FOXN3: variants seen among roughly 807,000 people sequenced by gnomAD.
FOXN3 encodes forkhead box N3.
FOXN3 carries 7 observed loss-of-function variants against 38.4 expected under a neutral mutation model. The observed-to-expected ratio is 0.18, with a 90% CI of 0.10 to 0.34. The LOEUF (loss-of-function observed/expected upper bound fraction) is 0.34. Among genes scored for constraint, FOXN3 ranks in the 10% least tolerant of loss-of-function variants. FOXN3 has a pLI of 1.00. For missense variants in FOXN3, 456 were observed against 613.4 expected (o/e 0.74, Z 2.71); for synonymous variants, 230 against 242.2 (o/e 0.95, Z 0.47).
intron 1 of FOXN3, among the ~76,000 whole-genome samples, chr14:89,510,996 T>G (rs1894045077): frequency 6.6e-6 from 1 of 151,918 alleles, no homozygotes; most frequent in Non-Finnish European, 1.5e-5. Flanking sequence ...TCCCAAAGGC[T>G]TCTTCTCCTG....
chr14:89,417,706 G>A, upstream of FOXN3: 2 of 455,980 alleles, frequency 4.4e-6, no homozygotes, highest in Non-Finnish European at 8.8e-6. Flanking sequence ...GGGGTGAGAA[G>A]AGGAGATTCC....
At chr14:89,431,227 C>T (rs376324241) in intron 1 of FOXN3, among the ~76,000 whole-genome samples, 6 of 152,120 alleles carry the variant, frequency 3.9e-5, no homozygotes, top group East Asian at 3.8e-4. Context: ...GACAGAGTCT[C>T]TCTCTCTCTC....
chr14:89,449,758 C>G (rs113960514), intron 1 of FOXN3, among the ~76,000 whole-genome samples: 1 of 152,156 alleles, frequency 6.6e-6, no homozygotes, highest in African/African-American at 2.4e-5. Context: ...CAACTCCCCA[C>G]GGAGGTCTGA....
At chr14:89,337,283 G>C (rs1888489516) in intron 3 of FOXN3, among the ~76,000 whole-genome samples, 1 of 152,156 alleles carries the variant, frequency 6.6e-6, no homozygotes, top group Non-Finnish European at 1.5e-5. Context: ...GAGATTTCCT[G>C]GGAGAGAAAA....
intron 4 of FOXN3, among the ~76,000 whole-genome samples, chr14:89,213,720 G>A (rs897791159): frequency 6.6e-6 from 1 of 152,196 alleles, no homozygotes; most frequent in African/African-American, 2.4e-5. Context: ...CTGAAGAGAG[G>A]TAATAAATAA....
At chr14:89,328,396 G>A (rs1888137053) in intron 3 of FOXN3, among the ~76,000 whole-genome samples, 2 of 152,106 alleles carry the variant, frequency 1.3e-5, no homozygotes. Context: ...TGGATGAATG[G>A]GTGAAGAGAC....
intron 1 of FOXN3, among the ~76,000 whole-genome samples, chr14:89,497,981 G>A (rs995487591): frequency 3.3e-5 from 5 of 151,594 alleles, no homozygotes; most frequent in Admixed American, 6.6e-5. Context: ...CACTAATTTC[G>A]ATTTGCATTT....
intron 1 of FOXN3, among the ~76,000 whole-genome samples, chr14:89,507,134 GA>G (rs1196683152): frequency 5.6e-4 from 54 of 97,090 alleles, no homozygotes; most frequent in East Asian, 1.9e-3. Flanking sequence ...AAAAAAAAAA[GA>G]AAAAAAAAAA....
intron 3 of FOXN3, among the ~76,000 whole-genome samples, chr14:89,342,710 ACT>A (rs1888649982): frequency 6.6e-6 from 1 of 151,660 alleles, no homozygotes; most frequent in Non-Finnish European, 1.5e-5. Flanking sequence ...AATTTACCAC[ACT>A]CTCCTACCTG....
chr14:89,392,148 G>A (rs1298328096), intron 2 of FOXN3, among the ~76,000 whole-genome samples: 1 of 152,200 alleles, frequency 6.6e-6, no homozygotes, highest in African/African-American at 2.4e-5. Context: ...GGCAGCATTA[G>A]GAGGGAGAGA....
intron 4 of FOXN3, among the ~76,000 whole-genome samples, chr14:89,239,113 T>C (rs1028407831): frequency 1.3e-5 from 2 of 152,188 alleles, no homozygotes; most frequent in Admixed American, 1.3e-4. Context: ...TCCGCCCCCC[T>C]CTTCCCTCAG....
intron 2 of FOXN3, among the ~76,000 whole-genome samples, chr14:89,374,588 A>G (rs1890417296): frequency 6.6e-6 from 1 of 152,234 alleles, no homozygotes; most frequent in African/African-American, 2.4e-5. Flanking sequence ...ATACTACTCA[A>G]CAATAAAAAG....
At chr14:89,390,818 C>CAGG (rs1377773189) in intron 2 of FOXN3, among the ~76,000 whole-genome samples, 1 of 152,176 alleles carries the variant, frequency 6.6e-6, no homozygotes, top group Non-Finnish European at 1.5e-5. Flanking sequence ...CCGCAGCTTG[C>CAGG]AGGACTAAGA....
At chr14:89,423,176 C>G (rs1221849691) in intron 1 of FOXN3, among the ~76,000 whole-genome samples, 1 of 152,204 alleles carries the variant, frequency 6.6e-6, no homozygotes, top group South Asian at 2.1e-4. Flanking sequence ...TAAGCAAACA[C>G]ACACACAGAG....
intron 4 of FOXN3, among the ~76,000 whole-genome samples, chr14:89,269,861 C>T (rs779984287): frequency 1.3e-5 from 2 of 152,190 alleles, no homozygotes; most frequent in East Asian, 1.9e-4. Flanking sequence ...TTTCCCCACA[C>T]GTTAGACCAC....
intron 3 of FOXN3, among the ~76,000 whole-genome samples, chr14:89,283,247 G>T (rs938851698): frequency 1.4e-4 from 21 of 152,178 alleles, no homozygotes; most frequent in African/African-American, 4.8e-4. Flanking sequence ...GCTTGGTGTT[G>T]AGAAAGACTT....
intron 4 of FOXN3, among the ~76,000 whole-genome samples, chr14:89,246,542 C>CTTTGTT (rs1885303118): frequency 1.2e-5 from 1 of 83,986 alleles, no homozygotes; most frequent in Admixed American, 1.7e-4. Context: ...CAGGATGCGG[C>CTTTGTT]TTTTTTTTTT....
chr14:89,475,957 G>A lies in FOXN3; in HGVS notation c.-14-63467C>T, dbSNP rs57420958. Reference sequence around the variant, plus strand: ...ACTGATGAGTAATTTGGACCTTTCGGTAGCTGCTATTTCCTGCCCCTTGTT... The same window carrying A: ...ACTGATGAGTAATTTGGACCTTTCGATAGCTGCTATTTCCTGCCCCTTGTT... On this transcript the variant is annotated intron_variant, in intron 1 of 6. Transcript: ENST00000345097. Among the ~76,000 whole-genome samples, 677 of 152,262 alleles carry A rather than the reference G, an allele frequency of 4.4e-3. 5 individuals are homozygous for A. The highest frequency in any genetic ancestry group is 0.015 in the African/African-American group (616 of 41,534).
intron 1 of FOXN3, among the ~76,000 whole-genome samples, chr14:89,562,216 T>C (rs1022014471): frequency 6.6e-6 from 1 of 152,148 alleles, no homozygotes; most frequent in Admixed American, 6.6e-5. Context: ...CAAGTTGTCG[T>C]CTGCAGGGTT....
Sources: allele counts gnomAD v4.1 joint callset (sites outside exome capture counted in the v4.1 genomes callset), GRCh38; gene constraint gnomAD v4.1.1; transcripts MANE v1.5; gene names NCBI Gene and HGNC (gene_info 2026-07-23, HGNC 2026-07-21).